The following MPP7 variants were observed in gnomAD, a reference collection of about 807,000 sequenced individuals.
The protein encoded by MPP7 is MAGUK p55 scaffold protein 7.
Under a neutral mutation model 76.5 loss-of-function variants are expected in MPP7, and 60 were observed. The ratio of observed to expected loss-of-function variants is 0.78; its 90% CI spans 0.64 to 0.97. MPP7 has a LOEUF of 0.97. Among genes scored for constraint, MPP7 ranks in the 50% least tolerant of loss-of-function variants. The probability of loss-of-function intolerance (pLI) is 0.00; values close to 1 mark genes in which losing one functional copy is unlikely to be tolerated. For synonymous variants in MPP7, 237 were observed against 244.5 expected (o/e 0.97, Z 0.29); for missense variants, 641 against 694.0 (o/e 0.92, Z 0.86).
intron 2 of MPP7, among the ~76,000 whole-genome samples, chr10:28,232,670 A>G (rs1163526389): frequency 6.6e-6 from 1 of 152,250 alleles, no homozygotes; most frequent in East Asian, 1.9e-4. Context: ...TTCCATTTAT[A>G]AAGTTCAACC....
At chr10:28,131,509 C>G (rs766394201) in intron 6 of MPP7, 51 bp downstream of exon 6, 1 of 1,475,654 alleles carries the variant, frequency 6.8e-7, no homozygotes, top group East Asian at 2.7e-5. Flanking sequence ...TATGCACCAT[C>G]AGATTTGGCC....
chr10:28,149,932 G>A (rs576765869), intron 4 of MPP7, 50 bp downstream of exon 4: 11 of 1,454,348 alleles, frequency 7.6e-6, no homozygotes, highest in Non-Finnish European at 1.1e-5. Flanking sequence ...TTCTGCCTGG[G>A]CCAGGTCTGC....
intron 1 of MPP7, among the ~76,000 whole-genome samples, chr10:28,259,886 G>A (rs1343183849): frequency 6.6e-6 from 1 of 151,906 alleles, no homozygotes; most frequent in East Asian, 2.0e-4. Flanking sequence ...AGGAGGCTGA[G>A]GTGGGAGGAT....
At chr10:28,159,066 C>T (rs1345421794) in intron 3 of MPP7, among the ~76,000 whole-genome samples, 8 of 152,266 alleles carry the variant, frequency 5.3e-5, no homozygotes, top group Admixed American at 1.3e-4. Flanking sequence ...CAGAGATGAC[C>T]ACAAAGGAAT....
At chr10:28,077,249 C>A (rs1376774432) in intron 12 of MPP7, among the ~76,000 whole-genome samples, 2 of 152,150 alleles carry the variant, frequency 1.3e-5, no homozygotes. Flanking sequence ...CAAGCAAGCT[C>A]ACGACACCCA....
At chr10:28,286,785 T>C (rs1840800176) in intron 1 of MPP7, among the ~76,000 whole-genome samples, 1 of 152,092 alleles carries the variant, frequency 6.6e-6, no homozygotes, top group South Asian at 2.1e-4. Flanking sequence ...TAGGTCCTCA[T>C]GACCACTGCG....
chr10:28,191,173 T>G (rs1399908289), intron 3 of MPP7, among the ~76,000 whole-genome samples: 1 of 152,180 alleles, frequency 6.6e-6, no homozygotes, highest in Non-Finnish European at 1.5e-5. Context: ...CAGGTCCAGA[T>G]GGCTTCACTG....
intron 12 of MPP7, among the ~76,000 whole-genome samples, chr10:28,074,098 C>T (rs1368919412): frequency 6.6e-6 from 1 of 152,092 alleles, no homozygotes; most frequent in African/African-American, 2.4e-5. Flanking sequence ...TATTGTTTAC[C>T]ATCCCCACCA....
chr10:28,082,533 T>C (rs1852813588), intron 12 of MPP7, among the ~76,000 whole-genome samples: 1 of 152,156 alleles, frequency 6.6e-6, no homozygotes, highest in Non-Finnish European at 1.5e-5. Context: ...CACAGCTCTC[T>C]GTAATCTCTA....
intron 12 of MPP7, among the ~76,000 whole-genome samples, chr10:28,086,385 AT>A (rs1480144967): frequency 2.0e-5 from 3 of 152,214 alleles, no homozygotes; most frequent in African/African-American, 4.8e-5. Context: ...TCAATTCAGA[AT>A]TCGGGTACCA....
Position 28,238,585 on chromosome 10 carries a change from C to A in MPP7, c.20G>T (p.Gly7Val). The A allele has an allele frequency of 6.2e-7, 1 of 1,614,160 alleles. No homozygotes were observed. The highest frequency in any genetic ancestry group is 2.2e-5 in the East Asian group (1 of 44,884). Reference protein sequence around the residue: MPALSTGSGSDTGLYEL... With the variant: MPALSTVSGSDTGLYEL... Reference sequence around the variant, plus strand: ...TCACATACCAGTGTCACTCCCAGATCCCGTTGACAAAGCTGGCATGATGCA... The same window carrying A: ...TCACATACCAGTGTCACTCCCAGATACCGTTGACAAAGCTGGCATGATGCA... Residue 7 changes from glycine to valine, a missense_variant, in exon 2 of 17, where the codon GGA (glycine) becomes GTA (valine). Transcript: ENST00000683449.
chr10:28,144,056 T>C (rs1439984567), intron 5 of MPP7, among the ~76,000 whole-genome samples: 1 of 152,036 alleles, frequency 6.6e-6, no homozygotes, highest in East Asian at 1.9e-4. Context: ...ATACCCGGGA[T>C]TTTTGTATCT....
intron 3 of MPP7, among the ~76,000 whole-genome samples, chr10:28,197,455 T>G (rs893279129): frequency 2.0e-5 from 3 of 152,098 alleles, no homozygotes; most frequent in Non-Finnish European, 2.9e-5. Context: ...AGTGCTGGGA[T>G]TACAGGCATG....
At chr10:28,201,543 A>AT (rs1384077745) in intron 3 of MPP7, among the ~76,000 whole-genome samples, 3 of 152,044 alleles carry the variant, frequency 2.0e-5, no homozygotes, top group Non-Finnish European at 2.9e-5. Context: ...AGGAGTTCTG[A>AT]TCACTCCCAA....
intron 2 of MPP7, among the ~76,000 whole-genome samples, chr10:28,316,293 C>T (rs112235707): frequency 0.1 from 15,766 of 151,632 alleles, 1,031 homozygotes; most frequent in Middle Eastern, 0.16. Context: ...AAAAATTAGC[C>T]GGGCATGGTG....
chr10:28,308,487 T>G (rs1298007151), intron 2 of MPP7, among the ~76,000 whole-genome samples: 1 of 152,238 alleles, frequency 6.6e-6, no homozygotes, highest in Non-Finnish European at 1.5e-5. Flanking sequence ...TCATAGATTC[T>G]TTCCTGAACT....
chr10:28,061,729 T>G (rs982445619), intron 13 of MPP7, among the ~76,000 whole-genome samples: 3 of 152,128 alleles, frequency 2.0e-5, no homozygotes, highest in Non-Finnish European at 4.4e-5. Flanking sequence ...GGAAAAATTA[T>G]GCCTAGACAC....
At chr10:28,056,197 T>A (rs1484311637) in intron 16 of MPP7, among the ~76,000 whole-genome samples, 3 of 151,886 alleles carry the variant, frequency 2.0e-5, no homozygotes, top group African/African-American at 7.3e-5. Context: ...CACCTCTGCC[T>A]ACCAGGCTGG....
At chr10:28,298,214 T>C (rs189594488) in intron 1 of MPP7, among the ~76,000 whole-genome samples, 55 of 152,320 alleles carry the variant, frequency 3.6e-4, no homozygotes, top group African/African-American at 1.3e-3. Context: ...GTGAATCCTT[T>C]CCAGGTTTTC....
Sources: gnomAD v4.1 joint callset for allele counts (sites outside exome capture counted in the v4.1 genomes callset) on GRCh38, gnomAD v4.1.1 for gene constraint, MANE v1.5 for transcripts, NCBI Gene and HGNC (gene_info 2026-07-23, HGNC 2026-07-21) for gene names.